Variants in PRSS48 observed in about 807,000 individuals in gnomAD.
PRSS48 encodes the protein serine protease 48.
PRSS48 carries 21 observed loss-of-function variants against 25.6 expected under a neutral mutation model. The ratio of observed to expected loss-of-function variants is 0.82; its 90% confidence interval spans 0.58 to 1.18. The LOEUF (loss-of-function observed/expected upper bound fraction) is 1.18, where lower values mean the gene tolerates loss of function less well. Ranked by LOEUF, PRSS48 falls within the 50% of genes most tolerant of loss-of-function variation. The pLI is 0.00. For synonymous variants in PRSS48, 150 were observed against 149.3 expected, an observed-to-expected ratio of 1.00 and a Z score of -0.04; for missense variants, 373 against 399.3, an observed-to-expected ratio of 0.93 and a Z score of 0.56.
chr4:151,287,633 C>A (rs1774937188), intron 4 of PRSS48, among the ~76,000 whole-genome samples: 1 of 151,874 alleles, frequency 6.6e-6, no homozygotes, highest in Non-Finnish European at 1.5e-5. Flanking sequence ...GTGACTCAAG[C>A]CTTGTAATCC....
At chr4:151,282,203 T>G (rs1262748779) in exon 3 of PRSS48, 1 of 1,613,908 alleles carries the variant, frequency 6.2e-7, no homozygotes, top group Non-Finnish European at 8.5e-7. Flanking sequence ...AGTAGGTGAC[T>G]CAAGGAAACG....
intron 1 of PRSS48, among the ~76,000 whole-genome samples, chr4:151,277,503 T>C (rs554409486): frequency 1.3e-5 from 2 of 152,142 alleles, no homozygotes; most frequent in East Asian, 1.9e-4. Context: ...AGGTAATAAG[T>C]ACTATGAAAG....
chr4:151,278,996 CCTGT>C (rs1322797124), intron 1 of PRSS48: 1 of 257,928 alleles, frequency 3.9e-6, no homozygotes, highest in Non-Finnish European at 7.7e-6. Context: ...TCACTGAGAA[CCTGT>C]CTGTGTGCTA....
chr4:151,282,187 G>A (rs752625173), exon 3 of PRSS48: 14 of 1,613,766 alleles, frequency 8.7e-6, no homozygotes, highest in Admixed American at 5.0e-5. Flanking sequence ...GGCTAGGATC[G>A]ATTACAGTAG....
chr4:151,286,689 C>T (rs576323404), intron 4 of PRSS48, among the ~76,000 whole-genome samples: 1 of 151,482 alleles, frequency 6.6e-6, no homozygotes, highest in South Asian at 2.1e-4. Context: ...AATAATTAAT[C>T]CCAATTCTGG....
chr4:151,281,466 G>A (rs1055035326), intron 2 of PRSS48, among the ~76,000 whole-genome samples: 1 of 152,118 alleles, frequency 6.6e-6, no homozygotes, highest in Non-Finnish European at 1.5e-5. Context: ...AGTGGGAGGT[G>A]GGGGGTAGAC....
intron 4 of PRSS48, among the ~76,000 whole-genome samples, chr4:151,289,981 G>A (rs1028524076): frequency 1.3e-5 from 2 of 152,126 alleles, no homozygotes; most frequent in Non-Finnish European, 2.9e-5. Context: ...TAGAAACAGG[G>A]TCTTGCTCTG....
At chr4:151,284,303 ATC>A (rs1292543694) in intron 4 of PRSS48, among the ~76,000 whole-genome samples, 2 of 152,068 alleles carry the variant, frequency 1.3e-5, no homozygotes, top group Admixed American at 6.6e-5. Flanking sequence ...TTTTAAATTG[ATC>A]TGTATTGAAG....
At chr4:151,284,801 C>T (rs142858709) in intron 4 of PRSS48, among the ~76,000 whole-genome samples, 25 of 152,332 alleles carry the variant, frequency 1.6e-4, no homozygotes, top group Middle Eastern at 3.4e-3. Flanking sequence ...CAAACTGGAT[C>T]TCTCCTGTGA....
chr4:151,287,750 G>A (rs1774953606), intron 4 of PRSS48, among the ~76,000 whole-genome samples: 1 of 152,070 alleles, frequency 6.6e-6, no homozygotes, highest in South Asian at 2.1e-4. Context: ...TTAAATATTA[G>A]CCACCTGTAG....
At chr4:151,282,316 T>C in exon 3 of PRSS48, 1 of 1,613,968 alleles carries the variant, frequency 6.2e-7, no homozygotes, top group Admixed American at 1.7e-5. Flanking sequence ...CCTTCACTTC[T>C]GCCATCCTGC....
At chr4:151,289,560 G>A (rs934599830) in intron 4 of PRSS48, among the ~76,000 whole-genome samples, 4 of 152,150 alleles carry the variant, frequency 2.6e-5, no homozygotes, top group Non-Finnish European at 4.4e-5. Context: ...CAAAGCATCT[G>A]AATAGATATT....
At chr4:151,282,856 C>A (rs956859836) in intron 3 of PRSS48, among the ~76,000 whole-genome samples, 1 of 152,058 alleles carries the variant, frequency 6.6e-6, no homozygotes, top group African/African-American at 2.4e-5. Flanking sequence ...TACCTTTACT[C>A]AATCAGAATT....
rs377219831 is a variant in PRSS48, at chr4:151,277,643, G to C, written c.52+419G>C. On this transcript the variant is annotated intron_variant, in intron 1 of 4. Transcript: ENST00000455694. ...TAACTAAATTAAGTAAGAGGATCCA[G>C]GAAAAGAGCATCTCAAGCAGAGGGA... 2.1e-4 allele frequency among the ~76,000 whole-genome samples: 32 copies of C among 152,180 alleles called. 1 individual carries two copies. In the East Asian group the frequency reaches 2.3e-3, roughly 11 times the overall value.
At chr4:151,282,719 G>A (rs1008514816) in intron 3 of PRSS48, among the ~76,000 whole-genome samples, 1 of 152,146 alleles carries the variant, frequency 6.6e-6, no homozygotes, top group Admixed American at 6.5e-5. Context: ...AGCGTCTAGT[G>A]TTTTTTAACT....
chr4:151,278,690 G>T (rs943623475), intron 1 of PRSS48, among the ~76,000 whole-genome samples: 25 of 151,920 alleles, frequency 1.6e-4, no homozygotes, highest in African/African-American at 6.0e-4. Context: ...GAGTGCAGTG[G>T]CATGATCTAA....
At chr4:151,291,441 C>G in exon 5 of PRSS48, 1 of 1,606,848 alleles carries the variant, frequency 6.2e-7, no homozygotes, top group Non-Finnish European at 8.5e-7. Context: ...GATTTAGTCC[C>G]AGGGGCAGAT....
chr4:151,290,026 T>A (rs1338933801), intron 4 of PRSS48, among the ~76,000 whole-genome samples: 1 of 152,202 alleles, frequency 6.6e-6, no homozygotes, highest in East Asian at 1.9e-4. Flanking sequence ...AGGATCATAG[T>A]TCATTGTAAA....
exon 5 of PRSS48, chr4:151,291,353 G>A (rs1312194523): frequency 6.2e-7 from 1 of 1,613,874 alleles, no homozygotes; most frequent in South Asian, 1.1e-5. Context: ...TGTGCCTTTG[G>A]ACCTAACACT....
Sources: gnomAD v4.1 joint callset for allele counts (sites outside exome capture counted in the v4.1 genomes callset) on GRCh38, gnomAD v4.1.1 for gene constraint, MANE v1.5 for transcripts, NCBI Gene and HGNC (gene_info 2026-07-23, HGNC 2026-07-21) for gene names.